Variants in ABCA13 observed in about 807,000 individuals in gnomAD.
ABCA13 encodes ATP-binding cassette sub-family A member 13.
In ABCA13, 476 loss-of-function variants were observed where a neutral mutation model predicts 478.7. The observed-to-expected ratio is 0.99, with a 90% confidence interval of 0.92 to 1.07. The LOEUF (loss-of-function observed/expected upper bound fraction) is 1.07, where lower values mean the gene tolerates loss of function less well. ABCA13 is among the 50% of genes least tolerant of loss of function. The pLI is 0.00. For missense variants in ABCA13, 6,060 were observed against 5,910.6 expected (o/e 1.03, Z -0.83); for synonymous variants, 2,252 against 2,158.9 (o/e 1.04, Z -1.20).
At chr7:48,427,515 C>T (rs1023573619) in intron 41 of ABCA13, among the ~76,000 whole-genome samples, 1 of 152,226 alleles carries the variant, frequency 6.6e-6, no homozygotes, top group Non-Finnish European at 1.5e-5. Context: ...TTTGACCAGC[C>T]TCCACTAGCC....
intron 45 of ABCA13, 75 bp downstream of exon 45, chr7:48,471,674 A>G: frequency 7.5e-7 from 1 of 1,334,794 alleles, no homozygotes. Flanking sequence ...CCTATCTATA[A>G]AATTTTCATA....
chr7:48,633,931 CATAG>C (rs58253125), intron 59 of ABCA13, among the ~76,000 whole-genome samples: 23,146 of 144,504 alleles, frequency 0.16, 1,982 homozygotes, highest in South Asian at 0.21. Context: ...TAGATAGATA[CATAG>C]ATAGATAGAT....
intron 42 of ABCA13, among the ~76,000 whole-genome samples, chr7:48,437,174 T>C (rs1253061669): frequency 3.3e-5 from 5 of 152,048 alleles, no homozygotes; most frequent in Non-Finnish European, 7.4e-5. Context: ...TGCCAGTATT[T>C]GCTTCATATG....
At chr7:48,261,870 A>T (rs910543068) in intron 15 of ABCA13, among the ~76,000 whole-genome samples, 4 of 151,938 alleles carry the variant, frequency 2.6e-5, no homozygotes, top group Admixed American at 1.3e-4. Flanking sequence ...TAGAATGGTG[A>T]TGGAAAGTGC....
intron 5 of ABCA13, among the ~76,000 whole-genome samples, chr7:48,226,910 T>A (rs1788292882): frequency 6.6e-6 from 1 of 152,182 alleles, no homozygotes; most frequent in South Asian, 2.1e-4. Context: ...AAAGAATAGA[T>A]CATTACATTC....
chr7:48,286,401 A>T (rs1797745754), intron 19 of ABCA13, among the ~76,000 whole-genome samples: 1 of 152,062 alleles, frequency 6.6e-6, no homozygotes, highest in Admixed American at 6.6e-5. Flanking sequence ...TGTCTTTTCC[A>T]GCACGTCATT....
intron 34 of ABCA13, 50 bp downstream of exon 34, chr7:48,374,466 G>T: frequency 6.7e-7 from 1 of 1,490,512 alleles, no homozygotes; most frequent in East Asian, 2.4e-5. Flanking sequence ...CACGTTTTTG[G>T]AAATTAATAG....
chr7:48,324,673 A>T (rs571059669), intron 27 of ABCA13, among the ~76,000 whole-genome samples: 1 of 152,186 alleles, frequency 6.6e-6, no homozygotes, highest in African/African-American at 2.4e-5. Flanking sequence ...AAAAACAAAA[A>T]ATAAGTAGGA....
At chr7:48,546,577 C>G (rs1784832993) in intron 55 of ABCA13, among the ~76,000 whole-genome samples, 1 of 151,462 alleles carries the variant, frequency 6.6e-6, no homozygotes, top group East Asian at 1.9e-4. Context: ...AAGACAAAAG[C>G]CTTTCTCTTC....
rs1026955919 is a variant in ABCA13, at chr7:48,293,199, C to CCCG, written c.8956-2499_8956-2498insGCC. Among the ~76,000 whole-genome samples, 66 of 135,850 alleles carry CCCG rather than the reference C, an allele frequency of 4.9e-4. 1 individual carries two copies. Among genetic ancestry groups the CCCG allele is most frequent in the Middle Eastern group, 3.6e-3 (1 of 278 alleles). The allele number at this position is 135,850 out of a possible 152,430, so 89.1% of individuals were successfully genotyped here. A position where few individuals can be genotyped will look rare whatever the true frequency, so the allele number is the denominator to read the frequency against. On this transcript the variant is annotated intron_variant, in intron 20 of 61. Coordinates refer to ENST00000435803, the MANE Select transcript of ABCA13 (RefSeq NM_152701.5). ...TTTCCTGAGAAGTCTTCAGCCCCCC[C>CCCG]CCCGCCACACACACACTAAATCTAC...
intron 27 of ABCA13, among the ~76,000 whole-genome samples, chr7:48,331,142 T>C (rs569583369): frequency 6.6e-6 from 1 of 152,316 alleles, no homozygotes; most frequent in Non-Finnish European, 1.5e-5. Flanking sequence ...AGAGCTAATA[T>C]CTTGTGCTAT....
At chr7:48,184,664 A>G (rs951351085) in intron 1 of ABCA13, among the ~76,000 whole-genome samples, 1 of 152,078 alleles carries the variant, frequency 6.6e-6, no homozygotes, top group Admixed American at 6.5e-5. Flanking sequence ...TACCAAAAAT[A>G]CAAAAATTAG....
chr7:48,519,705 C>G (rs1178430086), intron 52 of ABCA13, among the ~76,000 whole-genome samples: 1 of 152,128 alleles, frequency 6.6e-6, no homozygotes, highest in East Asian at 1.9e-4. Context: ...CATCCCCCTT[C>G]TATGTATGGA....
chr7:48,304,208 T>G (rs992941531), intron 23 of ABCA13, among the ~76,000 whole-genome samples: 3 of 152,190 alleles, frequency 2.0e-5, no homozygotes, highest in African/African-American at 7.2e-5. Flanking sequence ...CCATCACGAC[T>G]TCTTAAAAAC....
rs1172781609 is a variant in ABCA13, at chr7:48,273,700, C to T, written c.4034C>T (p.Ser1345Phe). The change falls in exon 17 of 62, where the codon TCC becomes TTC. Residue 1345 changes from serine (S) to phenylalanine (F), a missense_variant. This residue lies in a region of ABCA13 where 4,423 missense variants were observed against 4,309.1 expected (regional missense o/e 1.03). Coordinates refer to ENST00000435803, the MANE Select transcript of ABCA13 (RefSeq NM_152701.5). ...GTATCACATGATCGAGATTTGTTTT[C>T]CTGTGCTGATATTTTCCAAAATGTT... ...RNVSHDRDLF[S>F]CADIFQNVTE... is the part of the protein sequence containing the mutation. The T allele has an allele frequency of 6.2e-7, 1 of 1,608,214 alleles. No homozygotes were observed. The highest frequency in any genetic ancestry group is 1.7e-5 in the Admixed American group (1 of 59,216).
chr7:48,471,929 A>T (rs1293542597), intron 45 of ABCA13, among the ~76,000 whole-genome samples: 1 of 152,198 alleles, frequency 6.6e-6, no homozygotes, highest in African/African-American at 2.4e-5. Flanking sequence ...TCTAAATTTC[A>T]AGGCAGCATG....
intron 39 of ABCA13, among the ~76,000 whole-genome samples, chr7:48,410,302 G>A (rs561998937): frequency 4.1e-3 from 621 of 152,230 alleles, no homozygotes; most frequent in African/African-American, 0.014. Flanking sequence ...TTTGTTCATG[G>A]GGGTGGGGAT....
chr7:48,182,505 G>A (rs1369542833), intron 1 of ABCA13, among the ~76,000 whole-genome samples: 1 of 152,146 alleles, frequency 6.6e-6, no homozygotes, highest in South Asian at 2.1e-4. Context: ...TCTCCTTGGA[G>A]TACTTGAGTG....
chr7:48,492,250 G>C (rs1226783447), intron 48 of ABCA13, among the ~76,000 whole-genome samples: 6 of 152,012 alleles, frequency 3.9e-5, no homozygotes, highest in Non-Finnish European at 2.9e-5. Context: ...TGCCATCCCT[G>C]TGAGCCTGGT....
Sources: gnomAD v4.1 joint callset for allele counts (sites outside exome capture counted in the v4.1 genomes callset) on GRCh38, gnomAD v4.1.1 for gene constraint, gnomAD v4.1.1 regional missense constraint, MANE v1.5 for transcripts, NCBI Gene and HGNC (gene_info 2026-07-23, HGNC 2026-07-21) for gene names.